The following PDE4D variants were observed in gnomAD, a reference collection of about 807,000 sequenced individuals.
PDE4D encodes the protein 3',5'-cyclic-AMP phosphodiesterase 4D.
In PDE4D, 24 loss-of-function variants were observed where a neutral mutation model predicts 87.4. That is an observed-to-expected ratio of 0.27 (90% CI 0.20 to 0.39). The LOEUF is 0.39. Ranked by LOEUF, PDE4D falls within the 10% of genes least tolerant of loss-of-function variation. PDE4D has a pLI of 1.00. For missense variants in PDE4D, 714 were observed against 1,041.0 expected, an observed-to-expected ratio of 0.69 and a Z score of 4.32; for synonymous variants, 384 against 383.2, an observed-to-expected ratio of 1.00 and a Z score of -0.02.
chr5:60,369,979 C>A (rs184703385), intron 1 of PDE4D, among the ~76,000 whole-genome samples: 12 of 152,152 alleles, frequency 7.9e-5, no homozygotes, highest in Non-Finnish European at 1.2e-4. Flanking sequence ...TGTAATTAGG[C>A]CTTATCATGA....
chr5:59,607,800 C>T (rs962080850), intron 1 of PDE4D, among the ~76,000 whole-genome samples: 2 of 152,076 alleles, frequency 1.3e-5, no homozygotes, highest in Non-Finnish European at 2.9e-5. Context: ...AGCAAGCTAT[C>T]CATGCGCTTC....
At chr5:59,392,925 G>A (rs1173738762) in intron 1 of PDE4D, among the ~76,000 whole-genome samples, 1 of 152,150 alleles carries the variant, frequency 6.6e-6, no homozygotes, top group Admixed American at 6.5e-5. Context: ...CGAAGTCCTG[G>A]CATGAATGGA....
chr5:58,985,843 T>C (rs1746298478), intron 11 of PDE4D, among the ~76,000 whole-genome samples: 1 of 152,202 alleles, frequency 6.6e-6, no homozygotes, highest in Non-Finnish European at 1.5e-5. Flanking sequence ...ATATCACAAG[T>C]TTACAAGTTA....
chr5:59,074,453 A>T (rs1445539896), intron 5 of PDE4D, among the ~76,000 whole-genome samples: 1 of 152,172 alleles, frequency 6.6e-6, no homozygotes, highest in Non-Finnish European at 1.5e-5. Context: ...GTTGAAACTG[A>T]AAAGAATTTT....
chr5:59,270,370 T>C (rs1347968123), intron 1 of PDE4D, among the ~76,000 whole-genome samples: 5 of 152,160 alleles, frequency 3.3e-5, no homozygotes, highest in African/African-American at 1.2e-4. Context: ...CATATTTTTT[T>C]CAAAGCTGAT....
intron 6 of PDE4D, among the ~76,000 whole-genome samples, chr5:59,001,479 T>C (rs1750521447): frequency 6.6e-6 from 1 of 152,172 alleles, no homozygotes; most frequent in Admixed American, 6.5e-5. Context: ...TTCATTTCCA[T>C]CACTCTTACT....
intron 2 of PDE4D, among the ~76,000 whole-genome samples, chr5:60,124,367 C>T (rs1451564347): frequency 6.6e-6 from 1 of 152,134 alleles, no homozygotes; most frequent in African/African-American, 2.4e-5. Context: ...AGTTCATTCA[C>T]ACTCCTGCTT....
intron 1 of PDE4D, among the ~76,000 whole-genome samples, chr5:60,443,359 C>T (rs446883): frequency 0.42 from 63,403 of 151,914 alleles, 14,590 homozygotes; most frequent in African/African-American, 0.6. Context: ...GTTTATTGAG[C>T]TGTTTCAAGG....
intron 5 of PDE4D, among the ~76,000 whole-genome samples, chr5:59,126,266 C>A (rs763794736): frequency 5.3e-5 from 8 of 152,116 alleles, no homozygotes; most frequent in East Asian, 1.9e-4. Flanking sequence ...GCCAATACGA[C>A]CCAAGTTACA....
chr5:59,793,723 C>G (rs777363418), intron 1 of PDE4D, among the ~76,000 whole-genome samples: 6 of 152,174 alleles, frequency 3.9e-5, no homozygotes, highest in African/African-American at 1.4e-4. Flanking sequence ...GTTCATTTCA[C>G]GTGGATGGGG....
rs114160633 is a variant in PDE4D at position 60,508,374 on chromosome 5, C to T, written n.70+13677G>A. Reference sequence around the variant, plus strand: ...GTCTAGGTCAACTTTACCTAACTTACTCAACACATTTGCCAGTAAACACCA... The same window carrying T: ...GTCTAGGTCAACTTTACCTAACTTATTCAACACATTTGCCAGTAAACACCA... On this transcript the variant is annotated intron_variant and non_coding_transcript_variant, in intron 1 of 2. Transcript: ENST00000506510. Among the ~76,000 whole-genome samples the T allele has an allele frequency of 9.7e-3, 1,472 of 152,322 alleles. 25 individuals carry two copies. The highest frequency in any genetic ancestry group is 0.033 in the African/African-American group (1,369 of 41,560).
chr5:59,725,736 C>T (rs7702956), intron 1 of PDE4D, among the ~76,000 whole-genome samples: 59,458 of 152,016 alleles, frequency 0.39, 12,938 homozygotes, highest in African/African-American at 0.58. Flanking sequence ...TGTGTTCCTT[C>T]TCATTGGGAT....
intron 1 of PDE4D, among the ~76,000 whole-genome samples, chr5:59,397,045 T>A (rs1417564751): frequency 7.8e-6 from 1 of 128,712 alleles, no homozygotes; most frequent in African/African-American, 3.1e-5. Context: ...ATCCTAAATA[T>A]ATATGCACCT....
At chr5:59,313,374 G>A (rs1317495418) in intron 1 of PDE4D, among the ~76,000 whole-genome samples, 1 of 152,026 alleles carries the variant, frequency 6.6e-6, no homozygotes, top group Non-Finnish European at 1.5e-5. Context: ...CTTTTGAGTA[G>A]GAATATACTT....
chr5:59,520,231 C>T (rs1392431834), intron 1 of PDE4D, among the ~76,000 whole-genome samples: 1 of 152,174 alleles, frequency 6.6e-6, no homozygotes. Flanking sequence ...CCACTGCACT[C>T]CAGCCTGGGC....
chr5:60,370,759 ATGTG>A (rs139182100), intron 1 of PDE4D, among the ~76,000 whole-genome samples: 2 of 150,130 alleles, frequency 1.3e-5, no homozygotes, highest in Non-Finnish European at 3.0e-5. Flanking sequence ...TTTTGTGTAT[ATGTG>A]TGTGTGTGTG....
chr5:60,007,072 A>C (rs1400519897), intron 2 of PDE4D, among the ~76,000 whole-genome samples: 1 of 151,914 alleles, frequency 6.6e-6, no homozygotes, highest in African/African-American at 2.4e-5. Flanking sequence ...TTCACAATAA[A>C]AGGTGCATAG....
intron 1 of PDE4D, among the ~76,000 whole-genome samples, chr5:59,700,641 T>C (rs1412234610): frequency 2.0e-5 from 3 of 152,218 alleles, no homozygotes; most frequent in Non-Finnish European, 4.4e-5. Flanking sequence ...ACCAATGCCA[T>C]GGACAGAACC....
intron 1 of PDE4D, among the ~76,000 whole-genome samples, chr5:59,718,197 T>C (rs6450526): frequency 0.52 from 78,912 of 152,082 alleles, 20,880 homozygotes; most frequent in African/African-American, 0.58. Flanking sequence ...GATTCCATTT[T>C]GTTTCATTTC....
Sources: gnomAD v4.1 joint callset for allele counts (sites outside exome capture counted in the v4.1 genomes callset) on GRCh38, gnomAD v4.1.1 for gene constraint, MANE v1.5 for transcripts, NCBI Gene and HGNC (gene_info 2026-07-23, HGNC 2026-07-21) for gene names.